The following PRSS22 variants were observed in gnomAD, a reference collection of about 807,000 sequenced individuals.
PRSS22 encodes serine protease 22, also known as brain-specific serine protease 4.
A neutral mutation model predicts 28.0 loss-of-function variants in PRSS22; 26 were observed. The observed-to-expected ratio is 0.93, with a 90% CI of 0.68 to 1.29. The LOEUF (loss-of-function observed/expected upper bound fraction) is 1.29, where lower values mean the gene tolerates loss of function less well. Ranked by LOEUF, PRSS22 falls within the 50% of genes most tolerant of loss-of-function variation. The pLI is 0.00. For synonymous variants in PRSS22, 217 were observed against 177.9 expected, an observed-to-expected ratio of 1.22 and a Z score of -1.75; for missense variants, 444 against 422.1, an observed-to-expected ratio of 1.05 and a Z score of -0.46.
At chr16:2,857,379 G>GGTCCCAGCGCCCAGTGAGCAGGC (rs1258615280) in intron 1 of PRSS22, among the ~76,000 whole-genome samples, 7 of 150,760 alleles carry the variant, frequency 4.6e-5, no homozygotes, top group African/African-American at 7.3e-5. Context: ...AGTGAGGAGG[G>GGTCCCAGCGCCCAGTGAGCAGGC]GTCCCAGCGC....
chr16:2,855,853 T>C lies in PRSS22; in HGVS notation c.282-2A>G. 1 of 1,609,918 alleles carries C rather than the reference T, an allele frequency of 6.2e-7. No homozygotes were observed. The highest frequency in any genetic ancestry group is 8.5e-7 in the Non-Finnish European group (1 of 1,178,842). Reference sequence around the variant, plus strand: ...AACAGGTATGGTTTGTTCAGGTTGCTGGAAGGAAAGGGAAGGGGAGGATCA... The same window carrying C: ...AACAGGTATGGTTTGTTCAGGTTGCCGGAAGGAAAGGGAAGGGGAGGATCA... On this transcript the variant is annotated splice_acceptor_variant, in intron 3 of 5. Coordinates refer to ENST00000161006, the MANE Select transcript of PRSS22 (RefSeq NM_022119.4). LOFTEE classifies it high-confidence loss of function.
Position 2,852,993 on chromosome 16 carries a change from C to G in PRSS22, c.*100G>C, listed in dbSNP as rs1263286727. On this transcript the variant is annotated 3_prime_UTR_variant, in exon 6 of 6. Transcript: ENST00000161006. ...GCCCCCAGAGGTAGAGGTAGATGAGCCTATTTACGGCGGGGGAAACCGCCC... is the reference window on the plus strand; with the variant it reads ...GCCCCCAGAGGTAGAGGTAGATGAGGCTATTTACGGCGGGGGAAACCGCCC... The G allele has an allele frequency of 1.3e-6, 1 of 776,844 alleles. No individual in the cohort carries two copies. The highest frequency in any genetic ancestry group is 2.0e-6 in the Non-Finnish European group (1 of 506,678). The allele number at this position is 776,844 out of a possible 1,614,324, so 48.1% of individuals were successfully genotyped here.
Position 2,853,052 on chromosome 16 carries a change from CTGG to C in PRSS22, c.*38_*40del. The C allele has an allele frequency of 7.3e-7, 1 of 1,363,084 alleles. No individual in the cohort carries two copies. The highest frequency in any genetic ancestry group is 9.9e-7 in the Non-Finnish European group (1 of 1,007,530). The allele number at this position is 1,363,084 out of a possible 1,614,324, so 84.4% of individuals were successfully genotyped here. On this transcript the variant is annotated 3_prime_UTR_variant, in exon 6 of 6. Coordinates refer to ENST00000161006, the MANE Select transcript of PRSS22 (RefSeq NM_022119.4). The surrounding 1 kb of genome is among the most constrained non-coding windows in gnomAD (Gnocchi z 4.6). ...CGCAGATCCAGATCCAGATGTGGAT[CTGG>C]CCGCCTTTCAGATCCGAGCCCCGCG...
At position 2,853,728 on chromosome 16, in the gene PRSS22, G is replaced by C. The variant is rs1449342718; in HGVS notation, c.717+137C>G. On this transcript the variant is annotated intron_variant, in intron 5 of 5. Transcript: ENST00000161006. This position sits in a 1 kb window ranked among gnomAD's most constrained non-coding sequence, Gnocchi z 4.6. Reference sequence around the variant, plus strand: ...AGCCAGGCTGAGGCTGGTTCTATGGGGACCCGGGACTGTCAGGCACAGCCA... The same window carrying C: ...AGCCAGGCTGAGGCTGGTTCTATGGCGACCCGGGACTGTCAGGCACAGCCA... 2.1e-6 allele frequency: 2 copies of C among 935,880 alleles called. No homozygotes were observed. The highest frequency in any genetic ancestry group is 5.2e-5 in the East Asian group (2 of 38,480). The allele number at this position is 935,880 out of a possible 1,614,324, so 58.0% of individuals were successfully genotyped here. A position where few individuals can be genotyped will look rare whatever the true frequency, so the allele number is the denominator to read the frequency against.
chr16:2,855,824 A>C lies in PRSS22; in HGVS notation c.309T>G (p.Ser103=), dbSNP rs763151460. The change falls in exon 4 of 6, where the codon TCT becomes TCG. Residue 103 remains serine (S), a synonymous_variant. Coordinates refer to ENST00000161006, the MANE Select transcript of PRSS22 (RefSeq NM_022119.4). ...CCAGCTGCCAGGCCCCCAGCAGCAC[A>C]GAGAACAGGTATGGTTTGTTCAGGT... is the stretch of plus-strand genomic sequence containing the variant. The part of the protein sequence containing the change: ...KDNLNKPYLF[S]VLLGAWQLGN... The C allele has an allele frequency of 1.3e-5, 21 of 1,613,282 alleles. No homozygotes were observed. The highest frequency in any genetic ancestry group is 3.3e-4 in the Middle Eastern group (2 of 6,084).
Position 2,853,963 on chromosome 16 carries a change from C to T in PRSS22, c.619G>A (p.Val207Ile). ...CCCCGCCAGTACAGATGGCTGCAGA[C>T]TTCCGAGTCGATGATAGGAACCTTC... ...KLKVPIIDSE[V>I]CSHLYWRGAG... Residue 207 changes from valine to isoleucine, a missense_variant, in exon 5 of 6, where the codon GTC (valine) becomes ATC (isoleucine). Physicochemically the swap from Val to Ile is conservative, Grantham distance 29. Transcript: ENST00000161006. The surrounding 1 kb of genome is among the most constrained non-coding windows in gnomAD (Gnocchi z 4.6). 6.2e-7 allele frequency: 1 copy of T among 1,614,218 alleles called. No individual in the cohort carries two copies. Among genetic ancestry groups the T allele is most frequent in the Non-Finnish European group, 8.5e-7 (1 of 1,180,042 alleles).
At chr16:2,854,316 C>A in intron 4 of PRSS22, 1 of 341,304 alleles carries the variant, frequency 2.9e-6, no homozygotes, top group Non-Finnish European at 5.5e-6. Context: ...ATTACTTCAT[C>A]CAGCACTGGG....
chr16:2,857,957 A>T, intron 1 of PRSS22, 66 bp downstream of exon 1: 1 of 1,164,560 alleles, frequency 8.6e-7, no homozygotes. Context: ...GGAGAGAGGG[A>T]GGGAGGGAAG....
rs554656951 is a variant in PRSS22, at chr16:2,853,446, G to A, written c.718-117C>T. 2.6e-5 allele frequency: 21 copies of A among 811,408 alleles called. No individual in the cohort carries two copies. Among genetic ancestry groups the A allele is most frequent in the Non-Finnish European group, 3.8e-5 (20 of 522,692 alleles). The allele number at this position is 811,408 out of a possible 1,614,324, so 50.3% of individuals were successfully genotyped here. On this transcript the variant is annotated intron_variant, in intron 5 of 5. Transcript: ENST00000161006. The surrounding 1 kb of genome is among the most constrained non-coding windows in gnomAD (Gnocchi z 4.6). ...TCCCGGGAGCCCGTTTCTCCTTCCT[G>A]GAGGAGACAGGACCTGAGCTCCACC... is the stretch of plus-strand genomic sequence containing the variant.
Position 2,858,087 on chromosome 16 carries a change from C to T in PRSS22, c.18G>A (p.Ala6=). 1 of 1,271,056 alleles carries T rather than the reference C, an allele frequency of 7.9e-7. No individual in the cohort carries two copies. The allele number at this position is 1,271,056 out of a possible 1,614,324, so 78.7% of individuals were successfully genotyped here. MVVSG[A]PPALGGGCLG... The stretch of plus-strand genomic sequence containing the variant: ...GACAGCCCCCACCCAGGGCTGGGGG[C>T]GCTCCAGAAACCACCATGGCTGGTG... Residue 6 remains alanine (A), a synonymous_variant, in exon 1 of 6, where the codon GCG becomes GCA. Transcript: ENST00000161006.
Position 2,853,709 on chromosome 16 carries a change from G to A in PRSS22, c.717+156C>T, listed in dbSNP as rs2069428168. 6.6e-6 allele frequency among the ~76,000 whole-genome samples: 1 copy of A among 152,198 alleles called. No homozygotes were observed. Reference sequence around the variant, plus strand: ...ACAAATAAGTGAGTGGCTGAGCCAGGCTGAGGCTGGTTCTATGGGGACCCG... The same window carrying A: ...ACAAATAAGTGAGTGGCTGAGCCAGACTGAGGCTGGTTCTATGGGGACCCG... On this transcript the variant is annotated intron_variant, in intron 5 of 5. Coordinates refer to ENST00000161006, the MANE Select transcript of PRSS22 (RefSeq NM_022119.4). This position sits in a 1 kb window ranked among gnomAD's most constrained non-coding sequence, Gnocchi z 4.6.
At position 2,856,125 on chromosome 16, in the gene PRSS22, G is replaced by A. The variant is rs754092755; in HGVS notation, c.238C>T (p.Leu80Phe). 3 of 1,613,984 alleles carry A rather than the reference G, an allele frequency of 1.9e-6. No individual in the cohort carries two copies. The highest frequency in any genetic ancestry group is 2.5e-6 in the Non-Finnish European group (3 of 1,179,974). The change falls in exon 3 of 6, where the codon CTC becomes TTC. Residue 80 changes from leucine to phenylalanine, a missense_variant. Physicochemically the swap from Leu to Phe is conservative, Grantham distance 22. Coordinates refer to ENST00000161006, the MANE Select transcript of PRSS22 (RefSeq NM_022119.4). Reference protein sequence around the residue: ...NGTHHCAGSLLTSRWVITAAH... With the variant: ...NGTHHCAGSLFTSRWVITAAH... ...GCAGTGATCACCCAGCGGCTGGTGA[G>A]CAGAGAACCTGCGCAGTGGTGGGTC...
rs777640779 is a variant in PRSS22 at position 2,856,183 on chromosome 16, C to A, written c.180G>T (p.Glu60Asp). ...TCTGGATGCTCACGATCCAGGGCCA[C>A]TCGCTGTCAGTGCTGTCCTCGCCGC... ...VVGGEDSTDS[E>D]WPWIVSIQKN... The change falls in exon 3 of 6, where the codon GAG becomes GAT. Residue 60 changes from glutamate (E) to aspartate (D), a missense_variant. Glu to Asp is a conservative substitution (Grantham distance 45, BLOSUM62 2). Coordinates refer to ENST00000161006, the MANE Select transcript of PRSS22 (RefSeq NM_022119.4). 2 of 1,613,936 alleles carry A rather than the reference C, an allele frequency of 1.2e-6. No individual in the cohort carries two copies. Among genetic ancestry groups the A allele is most frequent in the East Asian group, 4.5e-5 (2 of 44,878 alleles).
intron 1 of PRSS22, chr16:2,857,099 C>G (rs1274712088): frequency 3.5e-6 from 2 of 570,928 alleles, no homozygotes; most frequent in Non-Finnish European, 6.1e-6. Context: ...TGAGGAGGGT[C>G]CCTCAGCGCC....
chr16:2,854,142 GCTCTACCAGT>G, intron 4 of PRSS22, 120 bp from the exon 5 acceptor site: 4 of 1,150,438 alleles, frequency 3.5e-6, no homozygotes, highest in Non-Finnish European at 5.0e-6. Context: ...TAACAGATTA[GCTCTACCAGT>G]CTCTCCCAAG....
chr16:2,853,294 G>A lies in PRSS22; in HGVS notation c.753C>T (p.Asp251=), dbSNP rs377055758. 3.1e-4 allele frequency: 500 copies of A among 1,598,770 alleles called. No individual in the cohort carries two copies. The highest frequency in any genetic ancestry group is 4.1e-4 in the Non-Finnish European group (482 of 1,179,278). ...DSGGPLMCQV[D]GAWLLAGIIS... is the part of the protein sequence containing the mutation. ...TGATGCCGGCCAGCAGCCAGGCGCC[G>A]TCCACCTGGCACATGAGGGGGCCCC... Residue 251 remains aspartate, a synonymous_variant, in exon 6 of 6, where the codon GAC becomes GAT. Transcript: ENST00000161006. The surrounding 1 kb of genome is among the most constrained non-coding windows in gnomAD (Gnocchi z 4.6).
intron 4 of PRSS22, 135 bp downstream of exon 4, chr16:2,855,439 C>T (rs1397935983): frequency 2.2e-6 from 2 of 913,628 alleles, no homozygotes; most frequent in Non-Finnish European, 1.6e-6. Context: ...GATTGCAGCC[C>T]ATCTTTCCTT....
At position 2,856,236 on chromosome 16, in the gene PRSS22, T is replaced by C; in HGVS notation, c.127A>G (p.Lys43Glu). 6.2e-7 allele frequency: 1 copy of C among 1,613,470 alleles called. No homozygotes were observed. The highest frequency in any genetic ancestry group is 1.7e-4 in the Middle Eastern group (1 of 5,824). ...ACAACCCGGTTCAGCTGCTGGGGCTTCCCACAGGCTGGGGGAACTGGAGGG... is the reference window on the plus strand; with the variant it reads ...ACAACCCGGTTCAGCTGCTGGGGCTCCCCACAGGCTGGGGGAACTGGAGGG... ...ARIPVPPACGKPQQLNRVVGG... is the reference protein window; with the variant it reads ...ARIPVPPACGEPQQLNRVVGG... The change falls in exon 3 of 6, where the codon AAG (lysine) becomes GAG (glutamate). Residue 43 changes from lysine (K) to glutamate (E), a missense_variant. Physicochemically the swap from Lys to Glu is moderately conservative, Grantham distance 56. Transcript: ENST00000161006.
intron 1 of PRSS22, chr16:2,857,737 C>T (rs899237243): frequency 1.3e-5 from 4 of 314,200 alleles, no homozygotes; most frequent in Non-Finnish European, 2.3e-5. Flanking sequence ...AGGCAAGCAG[C>T]GGAGGACGAG....
Sources: allele counts gnomAD v4.1 joint callset (sites outside exome capture counted in the v4.1 genomes callset), GRCh38; gene constraint gnomAD v4.1.1; non-coding constraint Gnocchi (gnomAD v3.1); transcripts MANE v1.5; gene names NCBI Gene and HGNC (gene_info 2026-07-23, HGNC 2026-07-21).